EPHA5: variants seen among roughly 807,000 people sequenced by gnomAD.
The protein encoded by EPHA5 is ephrin type-A receptor 5.
A neutral mutation model predicts 105.0 loss-of-function variants in EPHA5; 60 were observed. That is an observed-to-expected ratio of 0.57 (90% CI 0.46 to 0.71). EPHA5 has a LOEUF of 0.71. Among genes scored for constraint, EPHA5 ranks in the 30% least tolerant of loss-of-function variants. EPHA5 has a pLI of 0.00. For missense variants in EPHA5, 1,218 were observed against 1,274.7 expected, an observed-to-expected ratio of 0.96 and a Z score of 0.68; for synonymous variants, 513 against 449.1, an observed-to-expected ratio of 1.14 and a Z score of -1.80.
In EPHA5 at chr4:65,531,953, T is replaced by C. The variant is rs549943484; in HGVS notation, c.911-36410A>G. ...AAGACTGTTGTATTAAATAAGGCCA[T>C]GTGTATACGAGGCTTAATATGCTTA... is the stretch of plus-strand genomic sequence containing the variant. On this transcript the variant is annotated intron_variant, in intron 3 of 16. Transcript: ENST00000613740. 2.0e-4 allele frequency among the ~76,000 whole-genome samples: 31 copies of C among 152,344 alleles called. No individual in the cohort carries two copies. The South Asian group carries it at 4.8e-3, about 23-fold the overall frequency.
In EPHA5 at chr4:65,320,171, G is replaced by C. The variant is rs1719521887; in HGVS notation, c.*3943C>G. The C allele has an allele frequency of 4.3e-6, 1 of 230,064 alleles. No homozygotes were observed. Among genetic ancestry groups the C allele is most frequent in the African/African-American group, 2.2e-5 (1 of 45,158 alleles). 14.3% of individuals were successfully genotyped at this position (230,064 alleles called of 1,614,324 possible). A position where few individuals can be genotyped will look rare whatever the true frequency, so the allele number is the denominator to read the frequency against. ...TAAATGAATAAGAAATGAAAAGAAA[G>C]TTCCTATTTCTATTTTGATACATTA... is the stretch of plus-strand genomic sequence containing the variant. On this transcript the variant is annotated 3_prime_UTR_variant, in exon 17 of 17. Transcript: ENST00000613740.
At chr4:65,658,150 A>G (rs1749235663) in intron 1 of EPHA5, among the ~76,000 whole-genome samples, 1 of 152,088 alleles carries the variant, frequency 6.6e-6, no homozygotes, top group Non-Finnish European at 1.5e-5. Context: ...CAATCCTGGG[A>G]AAATCTTGTA....
At chr4:65,570,111 A>G (rs765916661) in intron 3 of EPHA5, among the ~76,000 whole-genome samples, 11 of 151,698 alleles carry the variant, frequency 7.3e-5, no homozygotes, top group Non-Finnish European at 1.6e-4. Context: ...TAATTCCAAC[A>G]CTGTATGAGT....
intron 3 of EPHA5, among the ~76,000 whole-genome samples, chr4:65,510,621 G>A (rs1733525901): frequency 6.6e-6 from 1 of 152,102 alleles, no homozygotes; most frequent in African/African-American, 2.4e-5. Flanking sequence ...TATAACTGCT[G>A]GCAGCAGAAA....
At chr4:65,372,663 C>T (rs1718599499) in intron 8 of EPHA5, among the ~76,000 whole-genome samples, 1 of 151,798 alleles carries the variant, frequency 6.6e-6, no homozygotes, top group South Asian at 2.1e-4. Context: ...TTATACCACA[C>T]AAAATGAGAA....
At chr4:65,467,187 A>G (rs899349412) in intron 5 of EPHA5, among the ~76,000 whole-genome samples, 1 of 152,222 alleles carries the variant, frequency 6.6e-6, no homozygotes, top group African/African-American at 2.4e-5. Context: ...ATGAGCAAGG[A>G]AAAAAGATAG....
At chr4:65,548,934 G>A (rs1194723152) in intron 3 of EPHA5, among the ~76,000 whole-genome samples, 5 of 152,236 alleles carry the variant, frequency 3.3e-5, no homozygotes, top group South Asian at 2.1e-4. Flanking sequence ...TCTGGCTAGC[G>A]CTAATGCTGT....
chr4:65,352,527 T>C (rs1369718400), intron 12 of EPHA5, among the ~76,000 whole-genome samples: 1 of 152,024 alleles, frequency 6.6e-6, no homozygotes, highest in Non-Finnish European at 1.5e-5. Flanking sequence ...GATCTGATAA[T>C]ATTAGCTATT....
intron 5 of EPHA5, among the ~76,000 whole-genome samples, chr4:65,430,980 T>A (rs1394788304): frequency 1.3e-5 from 2 of 152,150 alleles, no homozygotes; most frequent in Non-Finnish European, 2.9e-5. Flanking sequence ...GTAAAACTCT[T>A]AGTTGTATTA....
At chr4:65,529,443 A>G (rs1436598951) in intron 3 of EPHA5, among the ~76,000 whole-genome samples, 1 of 152,122 alleles carries the variant, frequency 6.6e-6, no homozygotes, top group Non-Finnish European at 1.5e-5. Context: ...ACACACACAA[A>G]TGCATATTAT....
intron 5 of EPHA5, among the ~76,000 whole-genome samples, chr4:65,422,477 A>T (rs1724033769): frequency 6.6e-6 from 1 of 152,120 alleles, no homozygotes; most frequent in South Asian, 2.1e-4. Context: ...GTCTGGTATC[A>T]AATGAGAATG....
intron 5 of EPHA5, among the ~76,000 whole-genome samples, chr4:65,428,466 C>T (rs911741012): frequency 1.8e-4 from 27 of 151,964 alleles, no homozygotes; most frequent in African/African-American, 5.8e-4. Context: ...GTTTCTTTCT[C>T]AAATAAAAAT....
intron 11 of EPHA5, among the ~76,000 whole-genome samples, chr4:65,353,954 C>T (rs930059505): frequency 6.6e-6 from 1 of 151,768 alleles, no homozygotes; most frequent in Admixed American, 6.6e-5. Flanking sequence ...TCATATCTGA[C>T]ATTGACATGT....
intron 8 of EPHA5, among the ~76,000 whole-genome samples, chr4:65,381,750 C>T (rs1343491984): frequency 2.0e-5 from 3 of 151,664 alleles, no homozygotes; most frequent in African/African-American, 4.8e-5. Flanking sequence ...TATTTGGAAG[C>T]TGATAAGATC....
intron 7 of EPHA5, among the ~76,000 whole-genome samples, chr4:65,410,709 A>G (rs575087910): frequency 7.2e-5 from 11 of 152,204 alleles, no homozygotes; most frequent in Non-Finnish European, 1.6e-4. Context: ...TAAAGTGTAT[A>G]AGAGTGGTCT....
chr4:65,612,373 A>G (rs1744861360), intron 2 of EPHA5, among the ~76,000 whole-genome samples: 1 of 152,050 alleles, frequency 6.6e-6, no homozygotes, highest in Non-Finnish European at 1.5e-5. Flanking sequence ...TCCACTCTCT[A>G]TATCCGTGAG....
intron 8 of EPHA5, among the ~76,000 whole-genome samples, chr4:65,401,781 GA>G (rs373966370): frequency 2.7e-4 from 41 of 152,052 alleles, no homozygotes; most frequent in Admixed American, 5.9e-4. Context: ...GGATTTGGCA[GA>G]AAATTAAGCT....
chr4:65,633,767 A>C (rs1490669151), intron 2 of EPHA5, among the ~76,000 whole-genome samples: 3 of 152,088 alleles, frequency 2.0e-5, no homozygotes, highest in African/African-American at 7.2e-5. Context: ...ATGTCACAGG[A>C]GTAGGTAACA....
At chr4:65,396,468 T>G (rs912666947) in intron 8 of EPHA5, among the ~76,000 whole-genome samples, 1 of 152,290 alleles carries the variant, frequency 6.6e-6, no homozygotes, top group African/African-American at 2.4e-5. Context: ...GTGCAGAATT[T>G]TCGGTACGAC....
Sources: gnomAD v4.1 joint callset for allele counts (sites outside exome capture counted in the v4.1 genomes callset) on GRCh38, gnomAD v4.1.1 for gene constraint, MANE v1.5 for transcripts, NCBI Gene and HGNC (gene_info 2026-07-23, HGNC 2026-07-21) for gene names.